The following PCDH9 variants were observed in gnomAD, a reference collection of about 807,000 sequenced individuals.
PCDH9 encodes the protein protocadherin 9.
Under a neutral mutation model 70.6 loss-of-function variants are expected in PCDH9, and 24 were observed. The observed-to-expected ratio is 0.34, with a 90% CI of 0.25 to 0.48. The LOEUF (loss-of-function observed/expected upper bound fraction) is 0.48, where lower values mean the gene tolerates loss of function less well. Ranked by LOEUF, PCDH9 falls within the 20% of genes least tolerant of loss-of-function variation. The probability of loss-of-function intolerance (pLI) is 0.99; values close to 1 mark genes in which losing one functional copy is unlikely to be tolerated. For missense variants in PCDH9, 1,281 were observed against 1,503.6 expected (o/e 0.85, Z 2.45); for synonymous variants, 562 against 558.5 (o/e 1.01, Z -0.09).
At chr13:66,665,508 A>G (rs2078084378) in intron 3 of PCDH9, among the ~76,000 whole-genome samples, 1 of 152,088 alleles carries the variant, frequency 6.6e-6, no homozygotes, top group Admixed American at 6.6e-5. Context: ...TTTCTGCCCA[A>G]ATCCTGGTAG....
At chr13:67,181,677 T>A (rs1032696945) in intron 2 of PCDH9, among the ~76,000 whole-genome samples, 1 of 152,084 alleles carries the variant, frequency 6.6e-6, no homozygotes, top group Non-Finnish European at 1.5e-5. Context: ...AGTAAGTGAA[T>A]CTTGGAAAGA....
chr13:66,471,039 G>A (rs1457108640), intron 4 of PCDH9, among the ~76,000 whole-genome samples: 1 of 151,670 alleles, frequency 6.6e-6, no homozygotes, highest in Non-Finnish European at 1.5e-5. Flanking sequence ...ATCAAGTACA[G>A]TACTTCTACT....
intron 2 of PCDH9, among the ~76,000 whole-genome samples, chr13:67,171,250 A>C (rs879591823): frequency 6.6e-6 from 1 of 152,170 alleles, no homozygotes; most frequent in Non-Finnish European, 1.5e-5. Flanking sequence ...AAAAAGTTGA[A>C]AATAGGGTAT....
intron 2 of PCDH9, among the ~76,000 whole-genome samples, chr13:67,022,005 G>A (rs1259539446): frequency 6.7e-6 from 1 of 149,614 alleles, no homozygotes; most frequent in Non-Finnish European, 1.5e-5. Flanking sequence ...AAATATGTAT[G>A]ATGTGATTAA....
intron 2 of PCDH9, chr13:66,996,193 C>G (rs1321073699): frequency 6.6e-6 from 1 of 152,142 alleles, no homozygotes; most frequent in Non-Finnish European, 1.5e-5. Context: ...ACCAGCGGGA[C>G]ATTTTATTGA....
intron 3 of PCDH9, among the ~76,000 whole-genome samples, chr13:66,746,557 C>T (rs971603152): frequency 3.9e-5 from 6 of 152,022 alleles, no homozygotes; most frequent in African/African-American, 7.2e-5. Context: ...AGTAAAATAG[C>T]TCTGAAAAAG....
chr13:66,707,155 T>G (rs1384945577), intron 3 of PCDH9, among the ~76,000 whole-genome samples: 1 of 152,146 alleles, frequency 6.6e-6, no homozygotes, highest in East Asian at 1.9e-4. Context: ...GAGGTGAACC[T>G]AGCATGGTCA....
rs2080492642 is a variant in PCDH9 at position 66,810,890 on chromosome 13, T to G, written c.3138+92614A>C. 2.6e-5 allele frequency among the ~76,000 whole-genome samples: 4 copies of G among 151,930 alleles called. No individual in the cohort carries two copies. The South Asian group carries it at 8.3e-4, about 31-fold the overall frequency. ...CAACACAAGATATATGTTGCTATCT[T>G]CTTTTATGGATGAAGAAACTGAAAA... is the stretch of plus-strand genomic sequence containing the variant. On this transcript the variant is annotated intron_variant, in intron 3 of 4. Coordinates refer to ENST00000377865, the MANE Select transcript of PCDH9 (RefSeq NM_203487.3).
At chr13:66,769,306 T>C (rs572189245) in intron 3 of PCDH9, among the ~76,000 whole-genome samples, 12 of 152,218 alleles carry the variant, frequency 7.9e-5, no homozygotes, top group Admixed American at 2.0e-4. Flanking sequence ...ACTGAGATAA[T>C]TGGACCTATG....
chr13:66,813,036 C>T (rs1402571976), intron 3 of PCDH9, among the ~76,000 whole-genome samples: 1 of 152,140 alleles, frequency 6.6e-6, no homozygotes, highest in African/African-American at 2.4e-5. Context: ...TTCCTCACAC[C>T]CATGAGTGCA....
chr13:66,768,285 CAT>C (rs1338490542), intron 3 of PCDH9, among the ~76,000 whole-genome samples: 3 of 151,986 alleles, frequency 2.0e-5, no homozygotes, highest in African/African-American at 7.2e-5. Context: ...ATTTATAACT[CAT>C]ATGATTAGCC....
intron 3 of PCDH9, among the ~76,000 whole-genome samples, chr13:66,772,358 A>T (rs995947767): frequency 2.0e-5 from 3 of 152,222 alleles, no homozygotes; most frequent in Non-Finnish European, 2.9e-5. Context: ...ACATCTCATT[A>T]TCATGCCACA....
chr13:66,523,285 C>T (rs1304951689), intron 4 of PCDH9, among the ~76,000 whole-genome samples: 1 of 151,930 alleles, frequency 6.6e-6, no homozygotes, highest in Non-Finnish European at 1.5e-5. Flanking sequence ...TATAGGACAA[C>T]ATTTATTTAA....
chr13:66,304,217 G>T lies in PCDH9; in HGVS notation c.*438C>A, dbSNP rs1220078885. On this transcript the variant is annotated 3_prime_UTR_variant, in exon 5 of 5. Coordinates refer to ENST00000377865, the MANE Select transcript of PCDH9 (RefSeq NM_203487.3). The stretch of plus-strand genomic sequence containing the variant: ...ATGCTTATCTCTTTAAGTTTTGTTT[G>T]CAGTATAATGTCAAGTATAGCAGTC... 1 of 123,034 alleles carries T rather than the reference G, an allele frequency of 8.1e-6. No homozygotes were observed. Among genetic ancestry groups the T allele is most frequent in the African/African-American group, 3.3e-5 (1 of 30,358 alleles). 7.6% of individuals were successfully genotyped at this position (123,034 alleles called of 1,614,324 possible).
At chr13:66,630,563 A>T (rs926733762) in intron 4 of PCDH9, among the ~76,000 whole-genome samples, 12 of 152,122 alleles carry the variant, frequency 7.9e-5, no homozygotes, top group African/African-American at 2.9e-4. Context: ...GTCTGTGGAG[A>T]ATAAAAGTTT....
intron 4 of PCDH9, among the ~76,000 whole-genome samples, chr13:66,517,722 G>C (rs1250579703): frequency 6.6e-6 from 1 of 152,072 alleles, no homozygotes; most frequent in Non-Finnish European, 1.5e-5. Flanking sequence ...CTCTATTTTA[G>C]TAGCGAATCT....
intron 3 of PCDH9, among the ~76,000 whole-genome samples, chr13:66,866,230 C>A (rs983754322): frequency 6.6e-6 from 1 of 152,164 alleles, no homozygotes; most frequent in Non-Finnish European, 1.5e-5. Context: ...CGCCTGTAAT[C>A]CCAGCACTTT....
At chr13:66,356,110 T>G (rs1447638734) in intron 4 of PCDH9, among the ~76,000 whole-genome samples, 2 of 152,112 alleles carry the variant, frequency 1.3e-5, no homozygotes, top group Non-Finnish European at 2.9e-5. Flanking sequence ...GTACTATGCA[T>G]TAAAAATTAA....
At chr13:66,505,275 G>C (rs770477978) in intron 4 of PCDH9, among the ~76,000 whole-genome samples, 1 of 152,170 alleles carries the variant, frequency 6.6e-6, no homozygotes, top group Non-Finnish European at 1.5e-5. Flanking sequence ...AGGTTTAAGT[G>C]ACTCACAGTT....
Sources: gnomAD v4.1 joint callset for allele counts (sites outside exome capture counted in the v4.1 genomes callset) on GRCh38, gnomAD v4.1.1 for gene constraint, MANE v1.5 for transcripts, NCBI Gene and HGNC (gene_info 2026-07-23, HGNC 2026-07-21) for gene names.